CDK19: variants seen among roughly 807,000 people sequenced by gnomAD.
The protein encoded by CDK19 is cyclin dependent kinase 19.
In CDK19, 20 loss-of-function variants were observed where a neutral mutation model predicts 68.3. The observed-to-expected ratio is 0.29, with a 90% confidence interval of 0.21 to 0.43. CDK19 has a LOEUF of 0.43. Ranked by LOEUF, CDK19 falls within the 20% of genes least tolerant of loss-of-function variation. CDK19 has a pLI of 1.00. For missense variants in CDK19, 339 were observed against 623.5 expected (o/e 0.54, Z 4.86); for synonymous variants, 221 against 222.8 (o/e 0.99, Z 0.07).
intron 2 of CDK19, among the ~76,000 whole-genome samples, chr6:110,680,863 G>A (rs1484621040): frequency 6.6e-6 from 1 of 152,000 alleles, no homozygotes; most frequent in African/African-American, 2.4e-5. Context: ...CACGTGTGGT[G>A]GTATATGCCT....
chr6:110,815,268 CCCG>C lies in CDK19; in HGVS notation c.-135_-133del, dbSNP rs1783547516. On this transcript the variant is annotated 5_prime_UTR_variant, in exon 1 of 13. Transcript: ENST00000368911. Reference sequence around the variant, plus strand: ...GCGCGCGCGCGCGCGCCGCCCGCCGCCCGCCGCTCCGCGGTCCGCCTTCAGCAA... The same window carrying C: ...GCGCGCGCGCGCGCGCCGCCCGCCGCCCGCTCCGCGGTCCGCCTTCAGCAA... 3.7e-6 allele frequency: 4 copies of C among 1,069,188 alleles called. No homozygotes were observed. In the Middle Eastern group the frequency reaches 1.3e-3, roughly 358 times the overall value. The allele number at this position is 1,069,188 out of a possible 1,614,324, so 66.2% of individuals were successfully genotyped here.
At position 110,622,820 on chromosome 6, in the gene CDK19, T is replaced by A. The variant is rs375908163; in HGVS notation, c.1026A>T (p.Thr342=). Reference sequence around the variant, plus strand: ...AGAAAAGACAGGATACATACTCTAATGTTGGCAAAGGGTCCTCCTGAAAAT... The same window carrying A: ...AGAAAAGACAGGATACATACTCTAAAGTTGGCAAAGGGTCCTCCTGAAAAT... The part of the protein sequence containing the change: ...DPYFQEDPLP[T]LDVFAGCQIP... The change falls in exon 10 of 13, where the codon ACA becomes ACT. Residue 342 remains threonine, a synonymous_variant. Transcript: ENST00000368911. The A allele has an allele frequency of 1.3e-6, 2 of 1,597,494 alleles. No homozygotes were observed. Among genetic ancestry groups the A allele is most frequent in the South Asian group, 2.2e-5 (2 of 90,732 alleles).
intron 1 of CDK19, among the ~76,000 whole-genome samples, chr6:110,791,076 CAGG>C (rs1781559967): frequency 6.6e-6 from 1 of 151,596 alleles, no homozygotes; most frequent in Non-Finnish European, 1.5e-5. Flanking sequence ...GAGGCTGAGG[CAGG>C]AGAATAGCAT....
intron 1 of CDK19, among the ~76,000 whole-genome samples, chr6:110,765,844 C>A (rs184763057): frequency 6.6e-6 from 1 of 151,934 alleles, no homozygotes; most frequent in Admixed American, 6.6e-5. Context: ...AACAGGTATA[C>A]GAAAAATGTT....
chr6:110,640,264 AG>A (rs1366202337), intron 4 of CDK19, among the ~76,000 whole-genome samples: 1 of 147,150 alleles, frequency 6.8e-6, no homozygotes, highest in East Asian at 2.0e-4. Context: ...AAATCTGAAA[AG>A]GGCTCATGTT....
At chr6:110,727,388 G>A (rs1776390732) in intron 2 of CDK19, among the ~76,000 whole-genome samples, 1 of 152,004 alleles carries the variant, frequency 6.6e-6, no homozygotes, top group Non-Finnish European at 1.5e-5. Flanking sequence ...GTCCAAAGTG[G>A]CCTCACTCCA....
intron 2 of CDK19, among the ~76,000 whole-genome samples, chr6:110,730,850 G>A (rs188837162): frequency 1.3e-4 from 20 of 152,222 alleles, no homozygotes; most frequent in East Asian, 3.9e-4. Flanking sequence ...TCATGAGTTC[G>A]AGGCCAGCCT....
chr6:110,630,975 A>G (rs1779403017), intron 6 of CDK19, among the ~76,000 whole-genome samples: 1 of 152,202 alleles, frequency 6.6e-6, no homozygotes, highest in Admixed American at 6.5e-5. Context: ...TTAACCCATG[A>G]GTAGGCTAAT....
chr6:110,725,731 C>T (rs2114768861), intron 2 of CDK19, among the ~76,000 whole-genome samples: 1 of 152,280 alleles, frequency 6.6e-6, no homozygotes, highest in African/African-American at 2.4e-5. Context: ...GAAATTATTT[C>T]ACTAAAATTT....
chr6:110,763,163 A>G (rs546249950), intron 1 of CDK19, among the ~76,000 whole-genome samples: 1 of 152,312 alleles, frequency 6.6e-6, no homozygotes, highest in Admixed American at 6.5e-5. Context: ...CCTGAATCCC[A>G]TAATTTAAAA....
At chr6:110,623,799 CACATATACACATATATACACAT>C (rs1778883315) in intron 8 of CDK19, among the ~76,000 whole-genome samples, 6 of 121,068 alleles carry the variant, frequency 5.0e-5, no homozygotes. Flanking sequence ...TATATACACA[CACATATACACATATATACACAT>C]ACATATACAC....
rs199609946 is a variant in CDK19, at chr6:110,632,136, G to A, written c.540C>T (p.Phe180=). The change falls in exon 6 of 13, where the codon TTC becomes TTT. Residue 180 remains phenylalanine, a synonymous_variant. Coordinates refer to ENST00000368911, the MANE Select transcript of CDK19 (RefSeq NM_015076.5). The stretch of plus-strand genomic sequence containing the variant: ...CTGCTAGTGGCTTTAGAGGAGAATT[G>A]AATAATCTGGCAAAACCCATGTCAG... ...KIADMGFARL[F]NSPLKPLADL... 5 of 1,608,702 alleles carry A rather than the reference G, an allele frequency of 3.1e-6. No individual in the cohort carries two copies. In the East Asian group the frequency reaches 1.1e-4, roughly 36 times the overall value.
chr6:110,746,339 T>C (rs924853086), intron 1 of CDK19, 138 bp from the exon 2 acceptor site: 2 of 481,876 alleles, frequency 4.2e-6, no homozygotes, highest in East Asian at 6.9e-5. Context: ...TGCTTATTAT[T>C]TTTGATAATA....
chr6:110,628,201 A>C lies in CDK19; in HGVS notation c.647-1056T>G, dbSNP rs184811001. Among the ~76,000 whole-genome samples the C allele has an allele frequency of 7.2e-5, 11 of 152,284 alleles. No homozygotes were observed. The East Asian group carries it at 2.1e-3, about 29-fold the overall frequency. ...ACTCCAGCTTGGGCGACAGAGTGAA[A>C]CACCATCTTGGAAAAAACAAACAAA... On this transcript the variant is annotated intron_variant, in intron 6 of 12. Coordinates refer to ENST00000368911, the MANE Select transcript of CDK19 (RefSeq NM_015076.5).
intron 2 of CDK19, among the ~76,000 whole-genome samples, chr6:110,721,563 T>G (rs920265335): frequency 1.3e-5 from 2 of 152,208 alleles, no homozygotes; most frequent in Non-Finnish European, 2.9e-5. Flanking sequence ...AGTTTCTGGC[T>G]AGGCACATAA....
chr6:110,651,074 G>C (rs1369388969), intron 4 of CDK19, among the ~76,000 whole-genome samples: 1 of 152,154 alleles, frequency 6.6e-6, no homozygotes, highest in African/African-American at 2.4e-5. Context: ...GTAAGGACCG[G>C]AAATCAAGAG....
intron 1 of CDK19, among the ~76,000 whole-genome samples, chr6:110,791,319 G>A (rs1781581493): frequency 1.3e-5 from 2 of 152,034 alleles, no homozygotes; most frequent in African/African-American, 4.8e-5. Context: ...TGGGAGGAAA[G>A]AAGGTCAGAA....
chr6:110,759,828 T>C (rs1779111051), intron 1 of CDK19, among the ~76,000 whole-genome samples: 1 of 152,034 alleles, frequency 6.6e-6, no homozygotes, highest in Non-Finnish European at 1.5e-5. Context: ...AAATGATCCA[T>C]TTCATAGAAA....
chr6:110,733,835 T>A (rs1776956611), intron 2 of CDK19, among the ~76,000 whole-genome samples: 1 of 152,140 alleles, frequency 6.6e-6, no homozygotes, highest in Admixed American at 6.6e-5. Flanking sequence ...TCTTCAAGTG[T>A]TTATACCACT....
Sources: gnomAD v4.1 joint callset for allele counts (sites outside exome capture counted in the v4.1 genomes callset) on GRCh38, gnomAD v4.1.1 for gene constraint, MANE v1.5 for transcripts, NCBI Gene and HGNC (gene_info 2026-07-23, HGNC 2026-07-21) for gene names.